Variants in FRK observed in about 807,000 individuals in gnomAD.
The protein encoded by FRK is tyrosine-protein kinase FRK.
Under a neutral mutation model 56.4 loss-of-function variants are expected in FRK, and 51 were observed. The observed-to-expected ratio is 0.90, with a 90% CI of 0.72 to 1.14. The LOEUF (loss-of-function observed/expected upper bound fraction) is 1.14. Among genes scored for constraint, FRK ranks in the 50% most tolerant of loss-of-function variants. The pLI, the probability that FRK is intolerant of heterozygous loss-of-function variation, is 0.00. For synonymous variants in FRK, 245 were observed against 217.9 expected, an observed-to-expected ratio of 1.12 and a Z score of -1.10; for missense variants, 570 against 601.4, an observed-to-expected ratio of 0.95 and a Z score of 0.55.
rs1772032889 is a variant in FRK, at chr6:115,935,783, G to C, written c.*6631C>G. On this transcript the variant is annotated 3_prime_UTR_variant, in exon 8 of 8. Coordinates refer to ENST00000606080, the MANE Select transcript of FRK (RefSeq NM_002031.3). ...ACCTCAGCTCAGCAAGGCCACTCTG[G>C]CCAGACTGCCTCTCTAGATTCCTCC... 6.6e-6 allele frequency: 1 copy of C among 152,348 alleles called. No individual in the cohort carries two copies. The highest frequency in any genetic ancestry group is 2.1e-4 in the South Asian group (1 of 4,830). The allele number at this position is 152,348 out of a possible 1,614,324, so 9.4% of individuals were successfully genotyped here. A position where few individuals can be genotyped will look rare whatever the true frequency, so the allele number is the denominator to read the frequency against.
the FRK span, among the ~76,000 whole-genome samples, chr6:116,073,118 G>C: frequency 6.6e-6 from 1 of 152,132 alleles, no homozygotes; most frequent in African/African-American, 2.4e-5. Flanking sequence ...CAGAATTTTG[G>C]TAAGAAGAAG....
chr6:115,960,094 C>G (rs566616531), intron 4 of FRK, among the ~76,000 whole-genome samples: 1 of 152,050 alleles, frequency 6.6e-6, no homozygotes, highest in Admixed American at 6.6e-5. Context: ...GCGTGAGCGA[C>G]GCAGAAGACG....
At chr6:115,951,553 C>A (rs1431913388) in intron 5 of FRK, among the ~76,000 whole-genome samples, 1 of 151,902 alleles carries the variant, frequency 6.6e-6, no homozygotes, top group Non-Finnish European at 1.5e-5. Context: ...TCATTAATTA[C>A]CCTCAATACT....
chr6:115,969,924 T>C (rs1204080855), intron 2 of FRK, among the ~76,000 whole-genome samples: 2 of 152,244 alleles, frequency 1.3e-5, no homozygotes, highest in Non-Finnish European at 2.9e-5. Context: ...TATTGACTAA[T>C]GCACTTTATA....
chr6:116,087,163 T>C, the FRK span, among the ~76,000 whole-genome samples: 3 of 152,254 alleles, frequency 2.0e-5, no homozygotes, highest in African/African-American at 4.8e-5. Flanking sequence ...GTGCCATCTC[T>C]TTCTCTAAAC....
At chr6:116,078,551 A>G in the FRK span, among the ~76,000 whole-genome samples, 1 of 152,228 alleles carries the variant, frequency 6.6e-6, no homozygotes, top group Non-Finnish European at 1.5e-5. Context: ...AAAACACCCC[A>G]TGTGAAATAA....
chr6:116,062,882 A>G (rs2114846268), upstream of FRK, among the ~76,000 whole-genome samples: 1 of 152,228 alleles, frequency 6.6e-6, no homozygotes, highest in East Asian at 1.9e-4. Context: ...CTTTTCATTT[A>G]TTCCACAAAC....
At chr6:115,949,713 C>T (rs1772638120) in intron 5 of FRK, among the ~76,000 whole-genome samples, 2 of 152,008 alleles carry the variant, frequency 1.3e-5, no homozygotes, top group South Asian at 2.1e-4. Flanking sequence ...AAAAAGAGCC[C>T]GTATAGCCAA....
In FRK at chr6:116,037,839, C is replaced by T. The variant is rs150485334; in HGVS notation, c.344+22129G>A. 1.1e-3 allele frequency among the ~76,000 whole-genome samples: 166 copies of T among 151,736 alleles called. 1 individual carries two copies. The East Asian group carries it at 0.029, about 27-fold the overall frequency. On this transcript the variant is annotated intron_variant, in intron 1 of 7. Coordinates refer to ENST00000606080, the MANE Select transcript of FRK (RefSeq NM_002031.3). ...TTTTCTTTTGATTGTTTTCTCTACA[C>T]CTCATATTTCTCCTCTACTGCACCT...
Position 115,944,171 on chromosome 6 carries a change from T to C in FRK, c.1140+73A>G, listed in dbSNP as rs1582628298. 4.2e-6 allele frequency: 5 copies of C among 1,199,134 alleles called. No homozygotes were observed. The East Asian group carries it at 9.5e-5, about 23-fold the overall frequency. The allele number at this position is 1,199,134 out of a possible 1,614,324, so 74.3% of individuals were successfully genotyped here. ...GAAACATTGTTTTAAAGAATAACAG[T>C]ATATCTATTGGTCTACTAACTGTTA... On this transcript the variant is annotated intron_variant, in intron 6 of 7. Coordinates refer to ENST00000606080, the MANE Select transcript of FRK (RefSeq NM_002031.3).
chr6:115,980,337 A>C (rs1480934755), intron 2 of FRK, among the ~76,000 whole-genome samples: 4 of 152,136 alleles, frequency 2.6e-5, no homozygotes, highest in African/African-American at 9.7e-5. Context: ...ATTATCTAGC[A>C]GCAAGAAAAA....
chr6:116,013,939 G>C (rs1477022809), intron 1 of FRK, among the ~76,000 whole-genome samples: 4 of 152,040 alleles, frequency 2.6e-5, no homozygotes, highest in Admixed American at 6.6e-5. Flanking sequence ...TCCTATACTA[G>C]AGGTGATATT....
Position 115,968,671 on chromosome 6 carries a change from G to T in FRK, c.535C>A (p.Arg179=). ...RLDEGGFFLT[R]RRIFSTLNEF... ...TTCAGTGTTGAAAAGATTCTTCTTC[G>T]CGTGAGAAAAAATCCCCCTTCATCC... The change falls in exon 3 of 8, where the codon CGA becomes AGA. Residue 179 remains arginine (R), a synonymous_variant. Transcript: ENST00000606080. 2 of 1,613,616 alleles carry T rather than the reference G, an allele frequency of 1.2e-6. No individual in the cohort carries two copies. The highest frequency in any genetic ancestry group is 1.7e-6 in the Non-Finnish European group (2 of 1,179,780).
the FRK span, among the ~76,000 whole-genome samples, chr6:116,093,040 A>G: frequency 1.3e-5 from 2 of 152,178 alleles, no homozygotes; most frequent in African/African-American, 2.4e-5. Context: ...TGTAAGAGGG[A>G]AGGCAAACGG....
chr6:116,000,081 C>T (rs1206624419), intron 2 of FRK, among the ~76,000 whole-genome samples: 1 of 152,104 alleles, frequency 6.6e-6, no homozygotes. Context: ...TAATTTTTTT[C>T]TAAGCCTGTA....
chr6:116,089,367 T>C, the FRK span, among the ~76,000 whole-genome samples: 1 of 152,246 alleles, frequency 6.6e-6, no homozygotes, highest in Non-Finnish European at 1.5e-5. Context: ...GAGACAATTC[T>C]TAGTTTTGTT....
chr6:116,095,643 A>T, the FRK span, among the ~76,000 whole-genome samples: 28 of 152,228 alleles, frequency 1.8e-4, no homozygotes, highest in African/African-American at 6.5e-4. Context: ...AGGAAGCAGA[A>T]TAGCAGGTTT....
At chr6:115,972,764 C>T (rs1475434587) in intron 2 of FRK, among the ~76,000 whole-genome samples, 3 of 152,184 alleles carry the variant, frequency 2.0e-5, no homozygotes, top group African/African-American at 7.2e-5. Flanking sequence ...AAACACCATG[C>T]TAAGCATGAT....
intron 4 of FRK, among the ~76,000 whole-genome samples, chr6:115,958,975 T>A (rs1400434874): frequency 6.6e-6 from 1 of 152,084 alleles, no homozygotes; most frequent in Admixed American, 6.6e-5. Flanking sequence ...AGAACTGAAA[T>A]CACAGTAGGT....
Sources: allele counts gnomAD v4.1 joint callset (sites outside exome capture counted in the v4.1 genomes callset), GRCh38; gene constraint gnomAD v4.1.1; transcripts MANE v1.5; gene names NCBI Gene and HGNC (gene_info 2026-07-23, HGNC 2026-07-21).